LINGO2: variants seen among roughly 807,000 people sequenced by gnomAD.
LINGO2 encodes the protein leucine rich repeat and Ig domain containing 2.
Under a neutral mutation model 30.6 loss-of-function variants are expected in LINGO2, and 14 were observed. The ratio of observed to expected loss-of-function variants is 0.46; its 90% CI spans 0.30 to 0.72. The LOEUF (loss-of-function observed/expected upper bound fraction) is 0.72. LINGO2 is among the 30% of genes least tolerant of loss of function. The probability of loss-of-function intolerance (pLI) is 0.07; values close to 1 mark genes in which losing one functional copy is unlikely to be tolerated. For synonymous variants in LINGO2, 317 were observed against 288.5 expected, an observed-to-expected ratio of 1.10 and a Z score of -1.00; for missense variants, 729 against 751.7, an observed-to-expected ratio of 0.97 and a Z score of 0.35.
intron 1 of LINGO2, among the ~76,000 whole-genome samples, chr9:28,550,164 T>C (rs28489585): frequency 6.6e-6 from 1 of 151,986 alleles, no homozygotes; most frequent in South Asian, 2.1e-4. Flanking sequence ...TTCTGGAAAA[T>C]TACTAAGAAT....
At chr9:29,129,896 T>C in the LINGO2 span, among the ~76,000 whole-genome samples, 2 of 152,102 alleles carry the variant, frequency 1.3e-5, no homozygotes, top group Non-Finnish European at 2.9e-5. Context: ...AAGAGGGATG[T>C]TTAGAACAAG....
the LINGO2 span, among the ~76,000 whole-genome samples, chr9:28,730,084 G>T: frequency 6.6e-6 from 1 of 151,872 alleles, no homozygotes; most frequent in Admixed American, 6.6e-5. Context: ...GTGAAGATAA[G>T]AAAAAAAGAG....
At chr9:28,380,933 G>T (rs1040380774) in intron 2 of LINGO2, among the ~76,000 whole-genome samples, 3 of 152,032 alleles carry the variant, frequency 2.0e-5, no homozygotes, top group Admixed American at 6.6e-5. Flanking sequence ...AGGAGTAGAG[G>T]CTGGGTATAA....
chr9:28,999,007 A>T, the LINGO2 span, among the ~76,000 whole-genome samples: 1 of 152,146 alleles, frequency 6.6e-6, no homozygotes, highest in South Asian at 2.1e-4. Flanking sequence ...ACCATGAGTC[A>T]GGCACAGAGC....
chr9:29,049,666 G>A, the LINGO2 span, among the ~76,000 whole-genome samples: 1 of 152,122 alleles, frequency 6.6e-6, no homozygotes, highest in Non-Finnish European at 1.5e-5. Flanking sequence ...TGGAACTGGA[G>A]ATGTTAAGTG....
intron 1 of LINGO2, among the ~76,000 whole-genome samples, chr9:28,575,420 C>CA (rs1048944596): frequency 1.3e-5 from 2 of 148,614 alleles, no homozygotes; most frequent in African/African-American, 2.5e-5. Flanking sequence ...ACAAAAAAAA[C>CA]AAAAAACAAC....
chr9:28,543,488 T>C (rs1487521738), intron 1 of LINGO2, among the ~76,000 whole-genome samples: 7 of 152,106 alleles, frequency 4.6e-5, no homozygotes, highest in Admixed American at 4.6e-4. Flanking sequence ...CTGAATAATT[T>C]AGTGAACTGA....
At chr9:28,712,087 G>C in the LINGO2 span, among the ~76,000 whole-genome samples, 8 of 152,164 alleles carry the variant, frequency 5.3e-5, no homozygotes, top group African/African-American at 1.7e-4. Flanking sequence ...CTCTACATTT[G>C]ACAGAATAAA....
intron 2 of LINGO2, among the ~76,000 whole-genome samples, chr9:28,398,104 GA>G (rs1225549301): frequency 5.3e-5 from 8 of 152,250 alleles, no homozygotes; most frequent in African/African-American, 1.9e-4. Flanking sequence ...AGACAGAAAA[GA>G]TCAGTCAGTG....
chr9:28,557,145 T>C (rs545963142), intron 1 of LINGO2, among the ~76,000 whole-genome samples: 90 of 152,162 alleles, frequency 5.9e-4, no homozygotes, highest in South Asian at 1.7e-3. Context: ...AATTGACAAA[T>C]GGGATCTAAT....
At chr9:28,182,469 C>A (rs1311452225) in intron 4 of LINGO2, among the ~76,000 whole-genome samples, 2 of 152,152 alleles carry the variant, frequency 1.3e-5, no homozygotes, top group Non-Finnish European at 2.9e-5. Flanking sequence ...TAAATGGGAT[C>A]TAATTAAACT....
chr9:28,526,055 C>CAAAA lies in LINGO2; in HGVS notation c.-364-50034_-364-50031dup, dbSNP rs58629857. Among the ~76,000 whole-genome samples the CAAAA allele has an allele frequency of 3.9e-3, 187 of 48,482 alleles. 34 individuals carry two copies. The highest frequency in any genetic ancestry group is 0.013 in the African/African-American group (165 of 12,232). 31.8% of individuals were successfully genotyped at this position (48,482 alleles called of 152,430 possible). A position where few individuals can be genotyped will look rare whatever the true frequency, so the allele number is the denominator to read the frequency against. On this transcript the variant is annotated intron_variant, in intron 1 of 5. Coordinates refer to ENST00000379992, the Ensembl canonical transcript of LINGO2. ...TGGGTGACAGAGCGAGACTCCGTCTCAAAAAAAAAAAAAAAAAAAAAGCCA... is the reference window on the plus strand; with the variant it reads ...TGGGTGACAGAGCGAGACTCCGTCTCAAAAAAAAAAAAAAAAAAAAAAAAAGCCA...
chr9:29,192,092 C>A, the LINGO2 span, among the ~76,000 whole-genome samples: 133 of 152,208 alleles, frequency 8.7e-4, no homozygotes, highest in South Asian at 1.9e-3. Context: ...CACCCTCCAA[C>A]CTCTTCCCAG....
the LINGO2 span, among the ~76,000 whole-genome samples, chr9:28,783,472 T>C: frequency 6.6e-6 from 1 of 152,194 alleles, no homozygotes; most frequent in Non-Finnish European, 1.5e-5. Flanking sequence ...ATTTTCAACC[T>C]GTGATTGGTC....
chr9:28,701,373 G>T, the LINGO2 span, among the ~76,000 whole-genome samples: 51 of 151,958 alleles, frequency 3.4e-4, no homozygotes, highest in East Asian at 7.8e-3. Context: ...TTTGGCCATG[G>T]ATATCCAGTT....
intron 4 of LINGO2, among the ~76,000 whole-genome samples, chr9:28,068,832 A>G (rs1825390119): frequency 6.6e-6 from 1 of 152,160 alleles, no homozygotes; most frequent in Admixed American, 6.6e-5. Context: ...AGGTACTATG[A>G]AGGATACAAA....
chr9:28,393,605 G>A (rs529505989), intron 2 of LINGO2, among the ~76,000 whole-genome samples: 8 of 152,266 alleles, frequency 5.3e-5, no homozygotes, highest in African/African-American at 2.4e-5. Flanking sequence ...AGATGGAGAC[G>A]AGGGATGGGT....
At chr9:28,982,509 A>G in the LINGO2 span, among the ~76,000 whole-genome samples, 1 of 151,928 alleles carries the variant, frequency 6.6e-6, no homozygotes, top group African/African-American at 2.4e-5. Flanking sequence ...ACCAGGTAAG[A>G]GCTCAAGTGG....
chr9:27,942,025 A>G, the LINGO2 span: 1 of 152,120 alleles, frequency 6.6e-6, no homozygotes, highest in African/African-American at 2.4e-5. Context: ...TGCTTATGTT[A>G]TTAAGTCACA....
Sources: gnomAD v4.1 joint callset for allele counts (sites outside exome capture counted in the v4.1 genomes callset) on GRCh38, gnomAD v4.1.1 for gene constraint, MANE v1.5 for transcripts, NCBI Gene and HGNC (gene_info 2026-07-23, HGNC 2026-07-21) for gene names.